The following ARHGAP6 variants were observed in gnomAD, a reference collection of about 807,000 sequenced individuals.
ARHGAP6 encodes the protein rho GTPase-activating protein 6.
In ARHGAP6, 16 loss-of-function variants were observed where a neutral mutation model predicts 55.7. That is an observed-to-expected ratio of 0.29 (90% CI 0.19 to 0.44). ARHGAP6 has a LOEUF of 0.44. Ranked by LOEUF, ARHGAP6 falls within the 20% of genes least tolerant of loss-of-function variation. ARHGAP6 has a pLI of 1.00. For missense variants in ARHGAP6, 698 were observed against 808.9 expected (o/e 0.86, Z 1.66); for synonymous variants, 382 against 360.9 (o/e 1.06, Z -0.66).
intron 1 of ARHGAP6, among the ~76,000 whole-genome samples, chrX:11,462,115 C>A (rs1488236531): frequency 8.9e-6 from 1 of 112,145 alleles, no homozygotes; most frequent in Non-Finnish European, 1.9e-5. Flanking sequence ...CAAAAGGAAC[C>A]AGGGGATACA....
intron 2 of ARHGAP6, among the ~76,000 whole-genome samples, chrX:11,251,736 T>C (rs2147480019): frequency 8.9e-6 from 1 of 112,056 alleles, no homozygotes; most frequent in South Asian, 3.7e-4. Flanking sequence ...TCTGACCCTG[T>C]TGAGAACCTC....
At chrX:11,298,868 G>A in intron 1 of ARHGAP6, 1 of 1,210,900 alleles carries the variant, frequency 8.3e-7, no homozygotes, top group Admixed American at 2.2e-5. Flanking sequence ...TGCCGCCACA[G>A]CCACCTCTGC....
At chrX:11,617,281 T>C (rs1032812531) in intron 1 of ARHGAP6, among the ~76,000 whole-genome samples, 19 of 112,333 alleles carry the variant, frequency 1.7e-4, no homozygotes, top group African/African-American at 5.5e-4. Context: ...CTAGAACATT[T>C]GAATTTCCAG....
intron 1 of ARHGAP6, among the ~76,000 whole-genome samples, chrX:11,479,738 G>C (rs958417573): frequency 5.0e-4 from 56 of 111,733 alleles, no homozygotes; most frequent in Admixed American, 1.5e-3. Context: ...CATCTCTCCT[G>C]GACCTTGAGA....
chrX:11,214,926 C>T (rs777753945), intron 2 of ARHGAP6, among the ~76,000 whole-genome samples: 1 of 113,367 alleles, frequency 8.8e-6, no homozygotes, highest in Admixed American at 9.2e-5. Flanking sequence ...TGGGGATGAC[C>T]GTGTGAAGCA....
intron 1 of ARHGAP6, among the ~76,000 whole-genome samples, chrX:11,315,135 C>T (rs2048343502): frequency 8.9e-6 from 1 of 112,437 alleles, no homozygotes; most frequent in Non-Finnish European, 1.9e-5. Context: ...GATGGAAAAA[C>T]AAAAGCAAGG....
intron 1 of ARHGAP6, among the ~76,000 whole-genome samples, chrX:11,541,804 G>T (rs1487514059): frequency 8.9e-6 from 1 of 112,238 alleles, no homozygotes; most frequent in African/African-American, 3.2e-5. Context: ...GTGAAATGGG[G>T]ATAATAGTAA....
intron 2 of ARHGAP6, among the ~76,000 whole-genome samples, chrX:11,231,032 C>G (rs1445895248): frequency 9.0e-6 from 1 of 111,441 alleles, no homozygotes; most frequent in Non-Finnish European, 1.9e-5. Flanking sequence ...TGTGCTATAG[C>G]CCCTGTTTTA....
At chrX:11,247,423 T>A (rs1569271885) in intron 2 of ARHGAP6, among the ~76,000 whole-genome samples, 1 of 112,353 alleles carries the variant, frequency 8.9e-6, no homozygotes, top group Non-Finnish European at 1.9e-5. Context: ...CGTGCTATAG[T>A]GATTGTGGCA....
intron 1 of ARHGAP6, among the ~76,000 whole-genome samples, chrX:11,642,883 G>A (rs1167183970): frequency 9.0e-6 from 1 of 111,344 alleles, no homozygotes; most frequent in East Asian, 2.8e-4. Flanking sequence ...TATGTTAGGT[G>A]AATTAAATCT....
intron 1 of ARHGAP6, among the ~76,000 whole-genome samples, chrX:11,291,317 G>A (rs1481511586): frequency 1.8e-5 from 2 of 111,634 alleles, no homozygotes; most frequent in African/African-American, 6.5e-5. Flanking sequence ...TTGTTCAACT[G>A]TCCATGGTGA....
chrX:11,294,867 G>T (rs778080525), intron 1 of ARHGAP6: 1 of 1,206,869 alleles, frequency 8.3e-7, no homozygotes, highest in Middle Eastern at 2.3e-4. Context: ...CCTTGCATAA[G>T]TCAGTGTCCA....
intron 1 of ARHGAP6, among the ~76,000 whole-genome samples, chrX:11,556,361 G>A (rs752838764): frequency 5.2e-4 from 58 of 111,808 alleles, no homozygotes; most frequent in Non-Finnish European, 1.0e-3. Context: ...TCTGACTTTC[G>A]TGAAACTACC....
intron 1 of ARHGAP6, among the ~76,000 whole-genome samples, chrX:11,255,011 A>G (rs978423463): frequency 3.6e-5 from 4 of 111,518 alleles, no homozygotes; most frequent in African/African-American, 9.8e-5. Context: ...ATGGGAACAC[A>G]TGGGAACTTC....
At chrX:11,551,233 T>C (rs1210461780) in intron 1 of ARHGAP6, among the ~76,000 whole-genome samples, 1 of 111,371 alleles carries the variant, frequency 9.0e-6, no homozygotes, top group East Asian at 2.8e-4. Context: ...GAGTCTGAGG[T>C]TAGGATGAAT....
intron 1 of ARHGAP6, among the ~76,000 whole-genome samples, chrX:11,494,988 G>A (rs1015007617): frequency 5.4e-5 from 6 of 111,857 alleles, no homozygotes; most frequent in Admixed American, 9.5e-5. Context: ...TTTATAACTA[G>A]CTTAACATAT....
intron 1 of ARHGAP6, among the ~76,000 whole-genome samples, chrX:11,366,799 C>A (rs2049085200): frequency 8.9e-6 from 1 of 111,983 alleles, no homozygotes; most frequent in Non-Finnish European, 1.9e-5. Flanking sequence ...ATGGATATCT[C>A]CTACCTGAAA....
At chrX:11,479,663 G>A (rs546293551) in intron 1 of ARHGAP6, among the ~76,000 whole-genome samples, 4 of 111,644 alleles carry the variant, frequency 3.6e-5, no homozygotes, top group East Asian at 2.8e-4. Context: ...AAGGAGCCTC[G>A]TGTTTTCATT....
At chrX:11,289,222 G>A (rs1328432463) in intron 1 of ARHGAP6, among the ~76,000 whole-genome samples, 1 of 110,983 alleles carries the variant, frequency 9.0e-6, no homozygotes, top group African/African-American at 3.3e-5. Context: ...AAAAAATCGT[G>A]TGTTTTTTTT....
Sources: allele counts gnomAD v4.1 joint callset (sites outside exome capture counted in the v4.1 genomes callset), GRCh38; gene constraint gnomAD v4.1.1; transcripts MANE v1.5; gene names NCBI Gene and HGNC (gene_info 2026-07-23, HGNC 2026-07-21).